NOS1AP: variants seen among roughly 807,000 people sequenced by gnomAD.
NOS1AP encodes the protein nitric oxide synthase 1 adaptor protein.
NOS1AP carries 21 observed loss-of-function variants against 56.2 expected under a neutral mutation model. That is an observed-to-expected ratio of 0.37 (90% CI 0.26 to 0.54). The LOEUF (loss-of-function observed/expected upper bound fraction) is 0.54, where lower values mean the gene tolerates loss of function less well. Ranked by LOEUF, NOS1AP falls within the 20% of genes least tolerant of loss-of-function variation. NOS1AP has a pLI of 0.84. For synonymous variants in NOS1AP, 270 were observed against 274.6 expected (o/e 0.98, Z 0.17); for missense variants, 522 against 657.8 (o/e 0.79, Z 2.26).
At chr1:162,220,312 T>C (rs1652726894) in intron 2 of NOS1AP, among the ~76,000 whole-genome samples, 1 of 152,094 alleles carries the variant, frequency 6.6e-6, no homozygotes, top group Non-Finnish European at 1.5e-5. Flanking sequence ...TTGATTCAGC[T>C]AGAATCTGGG....
chr1:162,092,946 A>T (rs1246721323), intron 1 of NOS1AP, among the ~76,000 whole-genome samples: 1 of 152,062 alleles, frequency 6.6e-6, no homozygotes, highest in African/African-American at 2.4e-5. Flanking sequence ...TACCTCCTTT[A>T]CTCCTATCCT....
chr1:162,320,022 C>T (rs568490969), intron 4 of NOS1AP, among the ~76,000 whole-genome samples: 1 of 152,184 alleles, frequency 6.6e-6, no homozygotes, highest in Admixed American at 6.5e-5. Context: ...TCCTCCTCCG[C>T]GTTTCACTGG....
chr1:162,360,585 C>G, intron 8 of NOS1AP: 1 of 350,538 alleles, frequency 2.9e-6, no homozygotes, highest in South Asian at 2.2e-5. Context: ...TACCTGCTGC[C>G]ACTTCTGTTT....
chr1:162,290,792 C>T (rs1348145137), intron 3 of NOS1AP, among the ~76,000 whole-genome samples: 2 of 152,184 alleles, frequency 1.3e-5, no homozygotes, highest in African/African-American at 4.8e-5. Context: ...GGGACCCTCA[C>T]CCCAGATGAG....
chr1:162,217,949 C>G (rs1356662287), intron 2 of NOS1AP, among the ~76,000 whole-genome samples: 2 of 152,152 alleles, frequency 1.3e-5, no homozygotes, highest in Non-Finnish European at 2.9e-5. Context: ...GACTTTACAT[C>G]ATCTTGTTTC....
intron 2 of NOS1AP, among the ~76,000 whole-genome samples, chr1:162,160,097 G>A (rs1368796974): frequency 6.6e-6 from 1 of 152,170 alleles, no homozygotes. Context: ...AGGGATATGC[G>A]CTGTAGCTAG....
chr1:162,122,435 A>G (rs890686874), intron 1 of NOS1AP, among the ~76,000 whole-genome samples: 2 of 152,186 alleles, frequency 1.3e-5, no homozygotes, highest in African/African-American at 4.8e-5. Context: ...TTTGGGAGAT[A>G]TATCATAAGA....
rs1392494835 is a variant in NOS1AP, at chr1:162,358,096, C to G, written c.939+960C>G. On this transcript the variant is annotated intron_variant, in intron 8 of 9. Coordinates refer to ENST00000361897, the MANE Select transcript of NOS1AP (RefSeq NM_014697.3). The stretch of plus-strand genomic sequence containing the variant: ...GCATCAACATTCTAAATCTGCTTGA[C>G]CAGACTGTTGACCACTTAGGTTTTC... 2.6e-5 allele frequency among the ~76,000 whole-genome samples: 4 copies of G among 152,294 alleles called. No individual in the cohort carries two copies. In the East Asian group the frequency reaches 7.7e-4, roughly 29 times the overall value.
intron 2 of NOS1AP, among the ~76,000 whole-genome samples, chr1:162,223,987 C>G (rs571112690): frequency 6.6e-6 from 1 of 152,294 alleles, no homozygotes; most frequent in South Asian, 2.1e-4. Flanking sequence ...CTGCCAGAGT[C>G]ACTCTGTTAA....
chr1:162,341,583 A>T (rs1657107044), intron 5 of NOS1AP, among the ~76,000 whole-genome samples: 1 of 152,208 alleles, frequency 6.6e-6, no homozygotes, highest in Non-Finnish European at 1.5e-5. Context: ...CAAGAGTCAG[A>T]GAAGAAAGTA....
At chr1:162,094,444 T>G (rs1297651487) in intron 1 of NOS1AP, among the ~76,000 whole-genome samples, 2 of 152,122 alleles carry the variant, frequency 1.3e-5, no homozygotes, top group Non-Finnish European at 2.9e-5. Context: ...ATTCTTCCCC[T>G]GGAGCCCACA....
chr1:162,194,473 T>G (rs1651742660), intron 2 of NOS1AP, among the ~76,000 whole-genome samples: 1 of 152,136 alleles, frequency 6.6e-6, no homozygotes. Context: ...TGTTGAGACG[T>G]TTTCTCAAAG....
chr1:162,094,854 C>G (rs1260294045), intron 1 of NOS1AP, among the ~76,000 whole-genome samples: 1 of 152,116 alleles, frequency 6.6e-6, no homozygotes, highest in Non-Finnish European at 1.5e-5. Context: ...CTGTCCATTC[C>G]AGCTCTAATT....
chr1:162,244,740 C>T (rs933321313), intron 2 of NOS1AP, among the ~76,000 whole-genome samples: 1 of 152,112 alleles, frequency 6.6e-6, no homozygotes, highest in African/African-American at 2.4e-5. Context: ...CCATTGGGTG[C>T]CAGTAGCAAC....
intron 1 of NOS1AP, among the ~76,000 whole-genome samples, chr1:162,081,774 A>ATATATATATGTTTTTTTTTTTTT: frequency 2.3e-5 from 1 of 44,060 alleles, no homozygotes; most frequent in Non-Finnish European, 4.6e-5. Flanking sequence ...ATATATATAT[A>ATATATATATGTTTTTTTTTTTTT]TTTTTTTTTT....
At chr1:162,122,410 C>T (rs904505189) in intron 1 of NOS1AP, among the ~76,000 whole-genome samples, 2 of 151,914 alleles carry the variant, frequency 1.3e-5, no homozygotes, top group African/African-American at 2.4e-5. Context: ...CATTGTGCTA[C>T]GCATGTAGTA....
At chr1:162,117,640 T>C (rs922023796) in intron 1 of NOS1AP, among the ~76,000 whole-genome samples, 1 of 152,162 alleles carries the variant, frequency 6.6e-6, no homozygotes, top group African/African-American at 2.4e-5. Context: ...TGAACAAATG[T>C]ATCATTGTGC....
intron 2 of NOS1AP, among the ~76,000 whole-genome samples, chr1:162,219,224 T>C (rs892192895): frequency 6.6e-6 from 1 of 152,178 alleles, no homozygotes; most frequent in Non-Finnish European, 1.5e-5. Flanking sequence ...ATCGATGACA[T>C]AAAATATGTC....
chr1:162,212,779 C>T lies in NOS1AP; in HGVS notation c.177+58303C>T, dbSNP rs1461636248. Among the ~76,000 whole-genome samples the T allele has an allele frequency of 2.0e-5, 3 of 150,032 alleles. No homozygotes were observed. In the Admixed American group the frequency reaches 2.0e-4, roughly 10 times the overall value. On this transcript the variant is annotated intron_variant, in intron 2 of 9. Coordinates refer to ENST00000361897, the MANE Select transcript of NOS1AP (RefSeq NM_014697.3). The stretch of plus-strand genomic sequence containing the variant: ...TGGCTGTGGAGAGTCTCCTACCTCT[C>T]CTTCTTCCTGCTGGGATGTTGCTTC...
Sources: allele counts gnomAD v4.1 joint callset (sites outside exome capture counted in the v4.1 genomes callset), GRCh38; gene constraint gnomAD v4.1.1; transcripts MANE v1.5; gene names NCBI Gene and HGNC (gene_info 2026-07-23, HGNC 2026-07-21).